The following HIPK2 variants were observed in gnomAD, a reference collection of about 807,000 sequenced individuals.
The protein encoded by HIPK2 is homeodomain-interacting protein kinase 2.
In HIPK2, 27 loss-of-function variants were observed where a neutral mutation model predicts 113.7. The ratio of observed to expected loss-of-function variants is 0.24; its 90% CI spans 0.17 to 0.33. The LOEUF (loss-of-function observed/expected upper bound fraction) is 0.33, where lower values mean the gene tolerates loss of function less well. HIPK2 is among the 10% of genes least tolerant of loss of function. The pLI is 1.00. For synonymous variants in HIPK2, 631 were observed against 642.2 expected (o/e 0.98, Z 0.26); for missense variants, 1,257 against 1,588.0 (o/e 0.79, Z 3.54).
At chr7:139,725,704 T>C (rs1158505585) in intron 1 of HIPK2, among the ~76,000 whole-genome samples, 1 of 152,180 alleles carries the variant, frequency 6.6e-6, no homozygotes, top group Non-Finnish European at 1.5e-5. Flanking sequence ...AAGTGGTAGG[T>C]GACTGTCCTG....
intron 2 of HIPK2, among the ~76,000 whole-genome samples, chr7:139,669,394 G>A (rs966525331): frequency 3.3e-5 from 5 of 152,222 alleles, no homozygotes; most frequent in Non-Finnish European, 5.9e-5. Flanking sequence ...AGCGGTGACA[G>A]TAATAAGCCC....
At chr7:139,585,437 A>G (rs1010849417) in intron 12 of HIPK2, among the ~76,000 whole-genome samples, 1 of 152,230 alleles carries the variant, frequency 6.6e-6, no homozygotes, top group Non-Finnish European at 1.5e-5. Context: ...CGCTCCTGAC[A>G]TCTAGGCTGG....
intron 2 of HIPK2, among the ~76,000 whole-genome samples, chr7:139,711,002 C>CT (rs77575517): frequency 0.36 from 53,210 of 147,658 alleles, 12,976 homozygotes; most frequent in African/African-American, 0.7. Flanking sequence ...TCAATTAAAC[C>CT]TTTTTTTTTT....
At chr7:139,695,511 A>G (rs959836734) in intron 2 of HIPK2, among the ~76,000 whole-genome samples, 1 of 152,248 alleles carries the variant, frequency 6.6e-6, no homozygotes, top group African/African-American at 2.4e-5. Flanking sequence ...GTACTTGAGA[A>G]TAGAAGTAGA....
intron 2 of HIPK2, among the ~76,000 whole-genome samples, chr7:139,642,131 A>G (rs1219712991): frequency 6.6e-6 from 1 of 152,214 alleles, no homozygotes; most frequent in African/African-American, 2.4e-5. Flanking sequence ...GTTCCCACAA[A>G]TATATGTAGA....
chr7:139,725,610 T>TG (rs1181648881), intron 1 of HIPK2, among the ~76,000 whole-genome samples: 1 of 152,364 alleles, frequency 6.6e-6, no homozygotes, highest in East Asian at 1.9e-4. Flanking sequence ...CTCAGAGAGC[T>TG]GGGGGGAAGC....
At chr7:139,680,658 C>T (rs754763029) in intron 2 of HIPK2, among the ~76,000 whole-genome samples, 11 of 152,228 alleles carry the variant, frequency 7.2e-5, no homozygotes, top group Non-Finnish European at 1.3e-4. Context: ...ATGTTAAGAT[C>T]GGCCAACAGC....
At chr7:139,638,696 T>C (rs1016525636) in intron 2 of HIPK2, among the ~76,000 whole-genome samples, 1 of 149,644 alleles carries the variant, frequency 6.7e-6, no homozygotes, top group African/African-American at 2.5e-5. Context: ...CTCACTCTGT[T>C]GCCCAGGCTG....
At chr7:139,588,552 C>CA (rs1025050092) in intron 12 of HIPK2, among the ~76,000 whole-genome samples, 1 of 148,434 alleles carries the variant, frequency 6.7e-6, no homozygotes, top group Admixed American at 6.7e-5. Flanking sequence ...CCAATAACAA[C>CA]AAAAAAGAAT....
chr7:139,745,962 T>G (rs1350524922), intron 1 of HIPK2, among the ~76,000 whole-genome samples: 3 of 151,952 alleles, frequency 2.0e-5, no homozygotes, highest in African/African-American at 7.3e-5. Flanking sequence ...CTCGTGTAAA[T>G]AGGTGACAGA....
intron 1 of HIPK2, among the ~76,000 whole-genome samples, chr7:139,743,740 G>A (rs772765576): frequency 6.6e-6 from 1 of 152,198 alleles, no homozygotes; most frequent in African/African-American, 2.4e-5. Context: ...GAAGAGCTCT[G>A]AACAAGACAT....
chr7:139,616,393 A>T (rs558303396), intron 7 of HIPK2, among the ~76,000 whole-genome samples: 2 of 152,306 alleles, frequency 1.3e-5, no homozygotes, highest in African/African-American at 4.8e-5. Flanking sequence ...CAGCTTGATG[A>T]ACATGGTATG....
chr7:139,739,735 T>G (rs902279164), intron 1 of HIPK2, among the ~76,000 whole-genome samples: 1 of 152,164 alleles, frequency 6.6e-6, no homozygotes, highest in East Asian at 1.9e-4. Context: ...CCACAGCCCC[T>G]GGAAACCATG....
chr7:139,713,366 C>G (rs1569479164), intron 2 of HIPK2, among the ~76,000 whole-genome samples: 1 of 152,140 alleles, frequency 6.6e-6, no homozygotes, highest in African/African-American at 2.4e-5. Context: ...CTAGGATCCC[C>G]GATTTTGCGA....
chr7:139,677,195 ATG>A (rs574762242), intron 2 of HIPK2, among the ~76,000 whole-genome samples: 10 of 146,644 alleles, frequency 6.8e-5, no homozygotes, highest in Admixed American at 1.3e-4. Context: ...ATGTGTGTGT[ATG>A]TGTGTGTGTG....
rs899663200 is a variant in HIPK2 at position 139,564,245 on chromosome 7, C to G, written c.*8682G>C. ...GCAGATATATGGAAAACCCAGCCAG[C>G]GACCATGGGAATAGGGGTATATGGT... On this transcript the variant is annotated 3_prime_UTR_variant, in exon 15 of 15. Coordinates refer to ENST00000406875, the MANE Select transcript of HIPK2 (RefSeq NM_022740.5). 3.7e-6 allele frequency: 1 copy of G among 271,392 alleles called. No individual in the cohort carries two copies. Among genetic ancestry groups the G allele is most frequent in the Non-Finnish European group, 6.8e-6 (1 of 146,418 alleles). The allele number at this position is 271,392 out of a possible 1,614,324, so 16.8% of individuals were successfully genotyped here.
At chr7:139,674,156 G>A (rs766387122) in intron 2 of HIPK2, among the ~76,000 whole-genome samples, 17 of 151,796 alleles carry the variant, frequency 1.1e-4, no homozygotes, top group Admixed American at 2.6e-4. Context: ...TAAAAAAGAC[G>A]GTGCCAATAA....
At chr7:139,690,438 G>A (rs1794369679) in intron 2 of HIPK2, among the ~76,000 whole-genome samples, 1 of 152,094 alleles carries the variant, frequency 6.6e-6, no homozygotes, top group Admixed American at 6.5e-5. Flanking sequence ...CTAATGGGAG[G>A]TATTTGGGTC....
At chr7:139,753,735 G>C (rs550108938) in intron 1 of HIPK2, among the ~76,000 whole-genome samples, 1 of 152,240 alleles carries the variant, frequency 6.6e-6, no homozygotes, top group East Asian at 1.9e-4. Flanking sequence ...CCAAGGGAGC[G>C]TCTCTGCGAG....
Sources: allele counts gnomAD v4.1 joint callset (sites outside exome capture counted in the v4.1 genomes callset), GRCh38; gene constraint gnomAD v4.1.1; transcripts MANE v1.5; gene names NCBI Gene and HGNC (gene_info 2026-07-23, HGNC 2026-07-21).